Variants in CCSER1 observed in about 807,000 individuals in gnomAD.
CCSER1 encodes coiled-coil serine rich protein 1, also known as serine-rich coiled-coil domain-containing protein 1.
A neutral mutation model predicts 82.0 loss-of-function variants in CCSER1; 41 were observed. That is an observed-to-expected ratio of 0.50 (90% CI 0.39 to 0.65). The LOEUF (loss-of-function observed/expected upper bound fraction) is 0.65, where lower values mean the gene tolerates loss of function less well. Ranked by LOEUF, CCSER1 falls within the 30% of genes least tolerant of loss-of-function variation. The pLI, the probability that CCSER1 is intolerant of heterozygous loss-of-function variation, is 0.00. For missense variants in CCSER1, 1,119 were observed against 1,064.2 expected, an observed-to-expected ratio of 1.05 and a Z score of -0.72; for synonymous variants, 414 against 383.9, an observed-to-expected ratio of 1.08 and a Z score of -0.92.
chr4:91,469,383 A>G (rs2149442132), intron 10 of CCSER1, among the ~76,000 whole-genome samples: 1 of 152,358 alleles, frequency 6.6e-6, no homozygotes, highest in Admixed American at 6.5e-5. Context: ...ATTTCTACAT[A>G]TAATATTTTC....
rs1311186813 is a variant in CCSER1 at position 91,336,454 on chromosome 4, C to T, written c.2217+250460C>T. On this transcript the variant is annotated intron_variant, in intron 10 of 10. Transcript: ENST00000509176. ...TAAGCCTAGTATTTGCTACGCTATG[C>T]CTTTCCCTTAATACATTGCTATACT... Among the ~76,000 whole-genome samples, 5 of 152,202 alleles carry T rather than the reference C, an allele frequency of 3.3e-5. 1 individual carries two copies. The South Asian group carries it at 8.3e-4, about 25-fold the overall frequency.
chr4:91,085,856 AATT>A lies in CCSER1; in HGVS notation c.2173-90_2173-88del, dbSNP rs1723334144. On this transcript the variant is annotated intron_variant, in intron 9 of 10. Transcript: ENST00000509176. ...AGATCTTCTTTGTTACGAATAAGTG[AATT>A]ATTTCCTTTATTTCAAAATTATTGC... The A allele has an allele frequency of 4.0e-6, 3 of 757,956 alleles. No individual in the cohort carries two copies. The African/African-American group carries it at 5.3e-5, about 13-fold the overall frequency. 47.0% of individuals were successfully genotyped at this position (757,956 alleles called of 1,614,324 possible). A position where few individuals can be genotyped will look rare whatever the true frequency, so the allele number is the denominator to read the frequency against.
intron 5 of CCSER1, among the ~76,000 whole-genome samples, chr4:90,575,329 G>C (rs560017072): frequency 1.4e-4 from 21 of 152,310 alleles, no homozygotes; most frequent in Non-Finnish European, 2.5e-4. Context: ...AGGCATAAGA[G>C]TGTGAGGGCG....
At chr4:91,029,809 A>T (rs1443093198) in intron 9 of CCSER1, among the ~76,000 whole-genome samples, 1 of 152,098 alleles carries the variant, frequency 6.6e-6, no homozygotes, top group East Asian at 1.9e-4. Context: ...AGCATTTAGA[A>T]CAGTACTGTA....
intron 8 of CCSER1, among the ~76,000 whole-genome samples, chr4:90,822,188 G>C (rs766112315): frequency 1.3e-5 from 2 of 152,158 alleles, no homozygotes; most frequent in African/African-American, 4.8e-5. Flanking sequence ...CCTAATTAAG[G>C]TTAGTAGACG....
In CCSER1 at chr4:90,234,428, G is replaced by A. The variant is rs148567217; in HGVS notation, c.-41-73816G>A. On this transcript the variant is annotated intron_variant, in intron 1 of 10. Coordinates refer to ENST00000509176, the MANE Select transcript of CCSER1 (RefSeq NM_001145065.2). ...GATGAGGTTTCACTACGTTGGCCAG[G>A]CTGGTCTTGGCCTCCTGACCTCAGA... 7.7e-3 allele frequency among the ~76,000 whole-genome samples: 1,171 copies of A among 152,214 alleles called. 14 individuals are homozygous for A. The highest frequency in any genetic ancestry group is 0.027 in the African/African-American group (1,126 of 41,526).
At chr4:91,459,090 A>AAATTTTTGTGCATAAAATGTGCAC (rs1337144221) in intron 10 of CCSER1, among the ~76,000 whole-genome samples, 1 of 151,988 alleles carries the variant, frequency 6.6e-6, no homozygotes, top group Non-Finnish European at 1.5e-5. Flanking sequence ...TAAATAATCA[A>AAATTTTTGTGCATAAAATGTGCAC]AAAATTCTGT....
At chr4:91,467,861 G>A (rs1757016076) in intron 10 of CCSER1, among the ~76,000 whole-genome samples, 1 of 152,164 alleles carries the variant, frequency 6.6e-6, no homozygotes, top group East Asian at 1.9e-4. Flanking sequence ...AATAGGTGCT[G>A]GAGAGGATGT....
chr4:90,594,796 A>C (rs1783122132), intron 5 of CCSER1, among the ~76,000 whole-genome samples: 1 of 152,078 alleles, frequency 6.6e-6, no homozygotes, highest in African/African-American at 2.4e-5. Context: ...CATTGAAAAT[A>C]CATGAGACAA....
intron 8 of CCSER1, among the ~76,000 whole-genome samples, chr4:90,828,634 T>C (rs1760776254): frequency 6.6e-6 from 1 of 152,198 alleles, no homozygotes; most frequent in Non-Finnish European, 1.5e-5. Flanking sequence ...TAATCCCCAC[T>C]AGAAGCTTGA....
chr4:91,384,773 G>C (rs529455255), intron 10 of CCSER1, among the ~76,000 whole-genome samples: 1 of 151,980 alleles, frequency 6.6e-6, no homozygotes, highest in South Asian at 2.1e-4. Context: ...AAAGTCAAAG[G>C]ACAAATAAAA....
chr4:90,603,989 C>A (rs905401783), intron 5 of CCSER1, among the ~76,000 whole-genome samples: 2 of 149,628 alleles, frequency 1.3e-5, no homozygotes, highest in Admixed American at 6.6e-5. Context: ...TTTGAACCAT[C>A]GAGAAAGAAA....
chr4:90,712,908 T>C (rs1333135777), intron 6 of CCSER1, among the ~76,000 whole-genome samples: 3 of 150,676 alleles, frequency 2.0e-5, no homozygotes, highest in Non-Finnish European at 4.4e-5. Context: ...CGTCTCTTTT[T>C]TTTTTTTTTA....
At chr4:90,277,511 A>G (rs1728052704) in intron 1 of CCSER1, among the ~76,000 whole-genome samples, 1 of 152,202 alleles carries the variant, frequency 6.6e-6, no homozygotes, top group Non-Finnish European at 1.5e-5. Context: ...TAGAGAAGGC[A>G]GAAATAAAGC....
intron 10 of CCSER1, among the ~76,000 whole-genome samples, chr4:91,095,462 G>T (rs1201182637): frequency 6.6e-6 from 1 of 151,984 alleles, no homozygotes; most frequent in Non-Finnish European, 1.5e-5. Flanking sequence ...CCTCCTTATG[G>T]CTTTCTCAGC....
At chr4:90,411,721 A>G (rs1215087263) in intron 4 of CCSER1, among the ~76,000 whole-genome samples, 1 of 152,228 alleles carries the variant, frequency 6.6e-6, no homozygotes, top group African/African-American at 2.4e-5. Context: ...CAAGACAGGG[A>G]TGCCCTCTCT....
At chr4:91,166,859 A>T (rs1005142559) in intron 10 of CCSER1, among the ~76,000 whole-genome samples, 17 of 152,166 alleles carry the variant, frequency 1.1e-4, no homozygotes, top group African/African-American at 2.4e-4. Flanking sequence ...GGCAGAAATA[A>T]TTTTTTTTAA....
chr4:90,437,290 T>TGCACACATGCGCGCGCACACACACAC lies in CCSER1; in HGVS notation c.1604-30944_1604-30943insGCACACATGCGCGCGCACACACACAC, dbSNP rs1578461118. Among the ~76,000 whole-genome samples the TGCACACATGCGCGCGCACACACACAC allele has an allele frequency of 2.6e-5, 4 of 151,408 alleles. No individual in the cohort carries two copies. In the East Asian group the frequency reaches 7.8e-4, roughly 29 times the overall value. On this transcript the variant is annotated intron_variant, in intron 4 of 10. Coordinates refer to ENST00000509176, the MANE Select transcript of CCSER1 (RefSeq NM_001145065.2). ...ACACATGCGCGCGCACACACACACA[T>TGCACACATGCGCGCGCACACACACAC]ATATATATACACACAGATATAGGTG...
At chr4:90,644,295 C>T (rs536052094) in intron 6 of CCSER1, among the ~76,000 whole-genome samples, 11 of 152,110 alleles carry the variant, frequency 7.2e-5, no homozygotes, top group Middle Eastern at 6.8e-3. Context: ...CACAACCTAA[C>T]GATAATTTTA....
Sources: gnomAD v4.1 joint callset for allele counts (sites outside exome capture counted in the v4.1 genomes callset) on GRCh38, gnomAD v4.1.1 for gene constraint, MANE v1.5 for transcripts, NCBI Gene and HGNC (gene_info 2026-07-23, HGNC 2026-07-21) for gene names.